GNG13: variants seen among roughly 807,000 people sequenced by gnomAD.
The protein encoded by GNG13 is guanine nucleotide-binding protein G(I)/G(S)/G(O) subunit gamma-13.
In GNG13, 12 loss-of-function variants were observed where a neutral mutation model predicts 8.2. The observed-to-expected ratio is 1.47, with a 90% CI of 0.94 to 2.38. The LOEUF is 2.38. Among genes scored for constraint, GNG13 ranks in the 30% most tolerant of loss-of-function variants. GNG13 has a pLI of 0.00. For synonymous variants in GNG13, 45 were observed against 33.0 expected (o/e 1.37, Z -1.25); for missense variants, 100 against 85.2 (o/e 1.17, Z -0.68).
intron 1 of GNG13, among the ~76,000 whole-genome samples, chr16:799,766 C>G (rs1231371224): frequency 6.6e-6 from 1 of 152,134 alleles, no homozygotes; most frequent in South Asian, 2.1e-4. Flanking sequence ...GGGAAAGCCA[C>G]AGGTTGACAC....
chr16:798,536 G>A lies in GNG13; in HGVS notation c.*183C>T, dbSNP rs1266671378. The A allele has an allele frequency of 2.0e-5, 14 of 701,190 alleles. No individual in the cohort carries two copies. The highest frequency in any genetic ancestry group is 3.7e-5 in the Admixed American group (2 of 54,360). The allele number at this position is 701,190 out of a possible 1,614,324, so 43.4% of individuals were successfully genotyped here. A position where few individuals can be genotyped will look rare whatever the true frequency, so the allele number is the denominator to read the frequency against. On this transcript the variant is annotated 3_prime_UTR_variant, in exon 3 of 3. Coordinates refer to ENST00000248150, the MANE Select transcript of GNG13 (RefSeq NM_016541.3). ...CTTACAAGATGGAGTGAGTGGGGCC[G>A]GGAGTGGGGCTCACAGGTTGGTGTG...
chr16:798,708 G>A lies in GNG13; in HGVS notation c.*11C>T, dbSNP rs751155791. ...CTCACAGGATGGTGTGAGAGGGGCC[G>A]GGTGCGGGGCTCACAGGATGGTGCA... On this transcript the variant is annotated 3_prime_UTR_variant, in exon 3 of 3. Coordinates refer to ENST00000248150, the MANE Select transcript of GNG13 (RefSeq NM_016541.3). The A allele has an allele frequency of 4.1e-5, 63 of 1,527,310 alleles. No homozygotes were observed. Among genetic ancestry groups the A allele is most frequent in the African/African-American group, 2.1e-4 (15 of 73,042 alleles). The allele number at this position is 1,527,310 out of a possible 1,614,324, so 94.6% of individuals were successfully genotyped here. A position where few individuals can be genotyped will look rare whatever the true frequency, so the allele number is the denominator to read the frequency against.
In GNG13 at chr16:798,187, G is replaced by T; in HGVS notation, c.*532C>A. The T allele has an allele frequency of 1.4e-6, 1 of 692,032 alleles. No homozygotes were observed. Among genetic ancestry groups the T allele is most frequent in the Non-Finnish European group, 2.5e-6 (1 of 406,228 alleles). 42.9% of individuals were successfully genotyped at this position (692,032 alleles called of 1,614,324 possible). On this transcript the variant is annotated 3_prime_UTR_variant, in exon 3 of 3. Transcript: ENST00000248150. ...GGGCTCACAGGATGGTGGGAGTGGG[G>T]CCAGGCGTGGTCTCACAGGATAGAG...
Position 798,059 on chromosome 16 carries a change from C to A in GNG13, c.*660G>T. On this transcript the variant is annotated 3_prime_UTR_variant, in exon 3 of 3. Transcript: ENST00000248150. ...CTGGAGATGTCTTTATAAAGTCACACCTTTACAGACTGTAATCACGTGCGA... is the reference window on the plus strand; with the variant it reads ...CTGGAGATGTCTTTATAAAGTCACAACTTTACAGACTGTAATCACGTGCGA... The A allele has an allele frequency of 1.3e-6, 2 of 1,500,290 alleles. No individual in the cohort carries two copies. Among genetic ancestry groups the A allele is most frequent in the Non-Finnish European group, 1.8e-6 (2 of 1,113,162 alleles). The allele number at this position is 1,500,290 out of a possible 1,614,324, so 92.9% of individuals were successfully genotyped here. A position where few individuals can be genotyped will look rare whatever the true frequency, so the allele number is the denominator to read the frequency against.
At chr16:799,413 A>G (rs892081690) in intron 1 of GNG13, among the ~76,000 whole-genome samples, 16 of 152,338 alleles carry the variant, frequency 1.1e-4, no homozygotes, top group African/African-American at 3.8e-4. Flanking sequence ...AAGGGTGCTC[A>G]GCACGGCAGG....
rs988805496 is a variant in GNG13 at position 799,062 on chromosome 16, C to T, written c.16G>A (p.Val6Met). The change falls in exon 2 of 3, where the codon GTG becomes ATG. Residue 6 changes from valine (V) to methionine (M), a missense_variant. Physicochemically the swap from Val to Met is conservative, Grantham distance 21. Transcript: ENST00000248150. ...TCCACCTCTTTCTTCATCTGTGGCA[C>T]GTCCCACTCCTCCATGGGGTCAGGG... MEEWD[V>M]PQMKKEVESL... is the part of the protein sequence containing the mutation. 1.6e-5 allele frequency: 26 copies of T among 1,603,844 alleles called. No individual in the cohort carries two copies. Among genetic ancestry groups the T allele is most frequent in the African/African-American group, 2.7e-5 (2 of 74,834 alleles).
At chr16:800,458 G>T (rs139327620) in intron 1 of GNG13, among the ~76,000 whole-genome samples, 2 of 152,166 alleles carry the variant, frequency 1.3e-5, no homozygotes, top group Non-Finnish European at 2.9e-5. Flanking sequence ...TGCAGGCGGC[G>T]CACGGCGCTC....
rs1366886956 is a variant in GNG13 at position 800,681 on chromosome 16, G to C, written c.-50C>G. The C allele has an allele frequency of 2.0e-5, 3 of 152,268 alleles. No homozygotes were observed. In the South Asian group the frequency reaches 6.2e-4, roughly 31 times the overall value. The allele number at this position is 152,268 out of a possible 1,614,324, so 9.4% of individuals were successfully genotyped here. On this transcript the variant is annotated 5_prime_UTR_variant, in exon 1 of 3. Transcript: ENST00000248150. ...TCGGACCTACCTTGAAAAGGTGACA[G>C]CGGAGGGACAATGACAACGGCCAGG...
chr16:800,289 G>A (rs1454488775), intron 1 of GNG13, among the ~76,000 whole-genome samples: 3 of 152,192 alleles, frequency 2.0e-5, no homozygotes, highest in Admixed American at 6.5e-5. Context: ...GTGGGCGCAG[G>A]ACTAGCTGCG....
rs1000968959 is a variant in GNG13, at chr16:798,515, C to A, written c.*204G>T. 4.6e-6 allele frequency: 3 copies of A among 655,852 alleles called. No individual in the cohort carries two copies. The highest frequency in any genetic ancestry group is 1.6e-5 in the South Asian group (1 of 62,540). The allele number at this position is 655,852 out of a possible 1,614,324, so 40.6% of individuals were successfully genotyped here. Reference sequence around the variant, plus strand: ...GTGAATGGGGCTGGGCATAGTCTTACAAGATGGAGTGAGTGGGGCCGGGAG... The same window carrying A: ...GTGAATGGGGCTGGGCATAGTCTTAAAAGATGGAGTGAGTGGGGCCGGGAG... On this transcript the variant is annotated 3_prime_UTR_variant, in exon 3 of 3. Coordinates refer to ENST00000248150, the MANE Select transcript of GNG13 (RefSeq NM_016541.3).
At chr16:800,181 T>TG (rs2042434444) in intron 1 of GNG13, among the ~76,000 whole-genome samples, 1 of 152,082 alleles carries the variant, frequency 6.6e-6, no homozygotes, top group South Asian at 2.1e-4. Flanking sequence ...ATCAGGGTCA[T>TG]GCAGAGGATT....
Position 798,582 on chromosome 16 carries a change from C to A in GNG13, c.*137G>T. The stretch of plus-strand genomic sequence containing the variant: ...GTGTGAGTGGGGCCGGGCATGGGCT[C>A]ACAGGATGGTGGGAGTGGGGCTGGG... On this transcript the variant is annotated 3_prime_UTR_variant, in exon 3 of 3. Coordinates refer to ENST00000248150, the MANE Select transcript of GNG13 (RefSeq NM_016541.3). 3 of 757,626 alleles carry A rather than the reference C, an allele frequency of 4.0e-6. No homozygotes were observed. The highest frequency in any genetic ancestry group is 7.2e-6 in the Non-Finnish European group (3 of 417,998). The allele number at this position is 757,626 out of a possible 1,614,324, so 46.9% of individuals were successfully genotyped here. A position where few individuals can be genotyped will look rare whatever the true frequency, so the allele number is the denominator to read the frequency against.
Position 798,178 on chromosome 16 carries a change from G to A in GNG13, c.*541C>T. On this transcript the variant is annotated 3_prime_UTR_variant, in exon 3 of 3. Coordinates refer to ENST00000248150, the MANE Select transcript of GNG13 (RefSeq NM_016541.3). ...CCAGGAGTGGGGCTCACAGGATGGT[G>A]GGAGTGGGGCCAGGCGTGGTCTCAC... 1.4e-6 allele frequency: 1 copy of A among 723,940 alleles called. No individual in the cohort carries two copies. Among genetic ancestry groups the A allele is most frequent in the Non-Finnish European group, 2.3e-6 (1 of 433,752 alleles). 44.8% of individuals were successfully genotyped at this position (723,940 alleles called of 1,614,324 possible). A position where few individuals can be genotyped will look rare whatever the true frequency, so the allele number is the denominator to read the frequency against.
At chr16:799,157 T>TG (rs2042425871) in intron 1 of GNG13, 46 bp from the exon 2 acceptor site, 1 of 801,940 alleles carries the variant, frequency 1.2e-6, no homozygotes, top group African/African-American at 1.7e-5. Flanking sequence ...CACCAGCCTG[T>TG]AGTCCCCACC....
At position 800,660 on chromosome 16, in the gene GNG13, A is replaced by T. The variant is rs978189535; in HGVS notation, c.-35+6T>A. 1 of 151,974 alleles carries T rather than the reference A, an allele frequency of 6.6e-6. No homozygotes were observed. The highest frequency in any genetic ancestry group is 1.5e-5 in the Non-Finnish European group (1 of 67,986). The allele number at this position is 151,974 out of a possible 1,614,324, so 9.4% of individuals were successfully genotyped here. A position where few individuals can be genotyped will look rare whatever the true frequency, so the allele number is the denominator to read the frequency against. Reference sequence around the variant, plus strand: ...CTAGCCCCGGGCGCCTGTTCATCGGACCTACCTTGAAAAGGTGACAGCGGA... The same window carrying T: ...CTAGCCCCGGGCGCCTGTTCATCGGTCCTACCTTGAAAAGGTGACAGCGGA... On this transcript the variant is annotated splice_donor_region_variant and intron_variant, in intron 1 of 2. Coordinates refer to ENST00000248150, the MANE Select transcript of GNG13 (RefSeq NM_016541.3).
chr16:798,929 C>A (rs775955705), intron 2 of GNG13, 51 bp downstream of exon 2: 2 of 1,376,736 alleles, frequency 1.5e-6, no homozygotes, highest in Non-Finnish European at 1.0e-6. Flanking sequence ...AAATGAGCAG[C>A]CAGCGCAGGG....
chr16:798,444 C>A lies in GNG13; in HGVS notation c.*275G>T. ...TGGGAGTGGGGCTGGAAGTGGGGCT[C>A]ACAGGATGGTGGGAGTGGGGCTGGG... On this transcript the variant is annotated 3_prime_UTR_variant, in exon 3 of 3. Coordinates refer to ENST00000248150, the MANE Select transcript of GNG13 (RefSeq NM_016541.3). 1.9e-6 allele frequency: 1 copy of A among 528,154 alleles called. No individual in the cohort carries two copies. The highest frequency in any genetic ancestry group is 3.4e-6 in the Non-Finnish European group (1 of 295,206). 32.7% of individuals were successfully genotyped at this position (528,154 alleles called of 1,614,324 possible).
chr16:798,653 C>A lies in GNG13; in HGVS notation c.*66G>T. ...GTGAGTGGGGCTGGGCACAGTCTTA[C>A]AAGATGGTGGGAGTGGGGCCGGGCG... On this transcript the variant is annotated 3_prime_UTR_variant, in exon 3 of 3. Coordinates refer to ENST00000248150, the MANE Select transcript of GNG13 (RefSeq NM_016541.3). 1.0e-6 allele frequency: 1 copy of A among 969,724 alleles called. No homozygotes were observed. Among genetic ancestry groups the A allele is most frequent in the Non-Finnish European group, 1.7e-6 (1 of 596,998 alleles). The allele number at this position is 969,724 out of a possible 1,614,324, so 60.1% of individuals were successfully genotyped here. A position where few individuals can be genotyped will look rare whatever the true frequency, so the allele number is the denominator to read the frequency against.
chr16:800,185 G>A (rs531862060), intron 1 of GNG13, among the ~76,000 whole-genome samples: 3 of 152,154 alleles, frequency 2.0e-5, no homozygotes, highest in Admixed American at 6.5e-5. Context: ...GGGTCATGCA[G>A]AGGATTCCCT....
Sources: gnomAD v4.1 joint callset for allele counts (sites outside exome capture counted in the v4.1 genomes callset) on GRCh38, gnomAD v4.1.1 for gene constraint, MANE v1.5 for transcripts, NCBI Gene and HGNC (gene_info 2026-07-23, HGNC 2026-07-21) for gene names.